Variants in PIP5K1B observed in about 807,000 individuals in gnomAD.
PIP5K1B encodes the protein phosphatidylinositol-4-phosphate 5-kinase type 1 beta, also known as phosphatidylinositol 4-phosphate 5-kinase type-1 beta.
A neutral mutation model predicts 67.0 loss-of-function variants in PIP5K1B; 42 were observed. The ratio of observed to expected loss-of-function variants is 0.63; its 90% CI spans 0.49 to 0.81. The LOEUF (loss-of-function observed/expected upper bound fraction) is 0.81. Among genes scored for constraint, PIP5K1B ranks in the 30% least tolerant of loss-of-function variants. The pLI, the probability that PIP5K1B is intolerant of heterozygous loss-of-function variation, is 0.00. For missense variants in PIP5K1B, 459 were observed against 646.3 expected (o/e 0.71, Z 3.14); for synonymous variants, 214 against 231.4 (o/e 0.92, Z 0.68).
At chr9:68,981,667 A>C (rs931093985) in intron 14 of PIP5K1B, among the ~76,000 whole-genome samples, 1 of 152,162 alleles carries the variant, frequency 6.6e-6, no homozygotes, top group Non-Finnish European at 1.5e-5. Flanking sequence ...GCTATAAAAC[A>C]CTCATTAGGT....
intron 8 of PIP5K1B, among the ~76,000 whole-genome samples, chr9:68,915,119 A>G (rs1162138205): frequency 4.6e-5 from 7 of 152,218 alleles, no homozygotes; most frequent in Admixed American, 4.6e-4. Flanking sequence ...GATATGTAAT[A>G]GTGTCAGCAT....
chr9:68,934,090 A>G (rs1204937851), intron 12 of PIP5K1B, among the ~76,000 whole-genome samples: 3 of 152,232 alleles, frequency 2.0e-5, no homozygotes, highest in Non-Finnish European at 4.4e-5. Flanking sequence ...TTCTCAAGCA[A>G]TATTAAGCCA....
intron 12 of PIP5K1B, among the ~76,000 whole-genome samples, chr9:68,931,382 C>T (rs993443551): frequency 6.6e-6 from 1 of 152,206 alleles, no homozygotes; most frequent in African/African-American, 2.4e-5. Flanking sequence ...CTACACTAAG[C>T]ACTGATGATA....
At chr9:68,748,729 C>A (rs1200259013) in intron 2 of PIP5K1B, among the ~76,000 whole-genome samples, 6 of 149,384 alleles carry the variant, frequency 4.0e-5, no homozygotes, top group African/African-American at 1.5e-4. Flanking sequence ...TCAAGCGATT[C>A]TCCTGCCCCA....
chr9:68,996,628 G>C (rs1267242835), intron 15 of PIP5K1B, among the ~76,000 whole-genome samples: 1 of 152,206 alleles, frequency 6.6e-6, no homozygotes, highest in Non-Finnish European at 1.5e-5. Flanking sequence ...TAAGGCACCG[G>C]ATGCTGTCAC....
At chr9:68,768,426 TATA>T (rs1830535192) in intron 2 of PIP5K1B, among the ~76,000 whole-genome samples, 1 of 152,068 alleles carries the variant, frequency 6.6e-6, no homozygotes, top group South Asian at 2.1e-4. Context: ...AGAAGTTGGG[TATA>T]CATAAAAATG....
intron 6 of PIP5K1B, among the ~76,000 whole-genome samples, chr9:68,883,251 C>G (rs1222388871): frequency 6.7e-6 from 1 of 150,204 alleles, no homozygotes; most frequent in African/African-American, 2.5e-5. Context: ...GACACTTTGT[C>G]TGCACACATG....
intron 14 of PIP5K1B, among the ~76,000 whole-genome samples, chr9:68,948,968 A>T (rs1281337501): frequency 6.6e-6 from 1 of 152,214 alleles, no homozygotes; most frequent in Non-Finnish European, 1.5e-5. Context: ...TGAGGAATTC[A>T]TGTGAGATAA....
At chr9:68,781,075 T>C (rs772992473) in intron 2 of PIP5K1B, 4 of 1,565,770 alleles carry the variant, frequency 2.6e-6, no homozygotes, top group Non-Finnish European at 3.5e-6. Context: ...GAGAGAATAA[T>C]CTAGTTGGGG....
chr9:68,753,317 G>T, intron 2 of PIP5K1B, among the ~76,000 whole-genome samples: 1 of 147,028 alleles, frequency 6.8e-6, no homozygotes, highest in African/African-American at 2.5e-5. Flanking sequence ...GTTAAATATG[G>T]TTTATTTCCC....
chr9:68,897,662 C>T (rs1825156490), intron 8 of PIP5K1B, among the ~76,000 whole-genome samples: 1 of 152,168 alleles, frequency 6.6e-6, no homozygotes, highest in Admixed American at 6.5e-5. Flanking sequence ...AAGACCCTTT[C>T]TGGTGGTGCC....
chr9:68,989,124 A>G (rs11144676), intron 14 of PIP5K1B, among the ~76,000 whole-genome samples: 1 of 140,876 alleles, frequency 7.1e-6, no homozygotes. Flanking sequence ...AAAAAAATCC[A>G]CACAATTCTT....
chr9:68,911,264 T>C (rs1414385939), intron 8 of PIP5K1B, among the ~76,000 whole-genome samples: 1 of 151,884 alleles, frequency 6.6e-6, no homozygotes, highest in African/African-American at 2.4e-5. Flanking sequence ...TCCCAGCTAC[T>C]TGGGAGGCTG....
At chr9:68,935,217 T>A (rs117359528) in intron 13 of PIP5K1B, among the ~76,000 whole-genome samples, 172 bp downstream of exon 13, 5,389 of 152,210 alleles carry the variant, frequency 0.035, 143 homozygotes, top group African/African-American at 0.079. Context: ...CTGTAATCCT[T>A]ACACTTTGGG....
intron 2 of PIP5K1B, among the ~76,000 whole-genome samples, chr9:68,748,811 C>T (rs1829466771): frequency 6.6e-6 from 1 of 151,968 alleles, no homozygotes; most frequent in Admixed American, 6.6e-5. Context: ...GGGGTTTCAC[C>T]ATGTTGGTCA....
chr9:68,714,904 A>G (rs542185077), intron 1 of PIP5K1B, among the ~76,000 whole-genome samples: 2 of 152,326 alleles, frequency 1.3e-5, no homozygotes, highest in Non-Finnish European at 2.9e-5. Flanking sequence ...ACAAAGAACC[A>G]AAGACTGCTC....
At chr9:68,926,628 A>G (rs985663774) in intron 12 of PIP5K1B, among the ~76,000 whole-genome samples, 1 of 151,896 alleles carries the variant, frequency 6.6e-6, no homozygotes, top group South Asian at 2.1e-4. Context: ...TTGGAGTGCA[A>G]TGGCGCAATC....
At chr9:68,833,848 G>A (rs963725258) in intron 4 of PIP5K1B, among the ~76,000 whole-genome samples, 1 of 152,170 alleles carries the variant, frequency 6.6e-6, no homozygotes, top group Non-Finnish European at 1.5e-5. Context: ...AATGGTAGGG[G>A]GGAAACAAGT....
intron 4 of PIP5K1B, 124 bp from the exon 5 acceptor site, chr9:68,863,713 C>A: frequency 1.3e-6 from 1 of 742,226 alleles, no homozygotes. Context: ...CTTGCCAAAC[C>A]TCAGCCTCGT....
Sources: allele counts gnomAD v4.1 joint callset (sites outside exome capture counted in the v4.1 genomes callset), GRCh38; gene constraint gnomAD v4.1.1; transcripts MANE v1.5; gene names NCBI Gene and HGNC (gene_info 2026-07-23, HGNC 2026-07-21).